Variants in SMG7 observed in about 807,000 individuals in gnomAD.
SMG7 encodes the protein SMG7 nonsense mediated mRNA decay factor, also known as nonsense-mediated mRNA decay factor SMG7.
SMG7 carries 34 observed loss-of-function variants against 148.2 expected under a neutral mutation model. The observed-to-expected ratio is 0.23, with a 90% CI of 0.17 to 0.31. The LOEUF (loss-of-function observed/expected upper bound fraction) is 0.31, where lower values mean the gene tolerates loss of function less well. SMG7 is among the 10% of genes least tolerant of loss of function. The pLI is 1.00. For missense variants in SMG7, 1,114 were observed against 1,408.4 expected (o/e 0.79, Z 3.35); for synonymous variants, 492 against 515.1 (o/e 0.96, Z 0.61).
At chr1:183,536,958 T>C (rs1333972073) in intron 10 of SMG7, among the ~76,000 whole-genome samples, 187 bp from the exon 11 acceptor site, 2 of 152,180 alleles carry the variant, frequency 1.3e-5, no homozygotes, top group African/African-American at 2.4e-5. Context: ...GTCCCTTTTG[T>C]TGTATCTTTA....
chr1:183,516,259 C>T (rs80027945), intron 3 of SMG7, among the ~76,000 whole-genome samples: 2 of 151,934 alleles, frequency 1.3e-5, no homozygotes, highest in Non-Finnish European at 2.9e-5. Context: ...ACAAATATAT[C>T]TATTTCAAAT....
chr1:183,540,019 G>A (rs1486842803), intron 12 of SMG7, among the ~76,000 whole-genome samples: 2 of 152,122 alleles, frequency 1.3e-5, no homozygotes, highest in Non-Finnish European at 2.9e-5. Flanking sequence ...GCACTATCCA[G>A]CTCCTAGTTG....
rs773319839 is a variant in SMG7, at chr1:183,545,041, C to T, written c.2099C>T (p.Ala700Val). The T allele has an allele frequency of 1.2e-6, 2 of 1,614,054 alleles. No homozygotes were observed. The highest frequency in any genetic ancestry group is 2.2e-5 in the East Asian group (1 of 44,872). Residue 700 changes from alanine (A) to valine (V), a missense_variant, in exon 16 of 23, where the codon GCT becomes GTT. Transcript: ENST00000688051. ...CCAGGAACCTTTCTTCAGCCTACAGCTCACTCTCCAGCAGGAAACCAGGTG... is the reference window on the plus strand; with the variant it reads ...CCAGGAACCTTTCTTCAGCCTACAGTTCACTCTCCAGCAGGAAACCAGGTG... ...SVPGTFLQPT[A>V]HSPAGNQVQA...
Position 183,552,400 on chromosome 1 carries a change from T to G in SMG7, c.*469T>G, listed in dbSNP as rs567727234. Reference sequence around the variant, plus strand: ...ATTATTCTTAAACATCTTTTATTATTATTACTCTCAGTAGTAAAATATCAC... The same window carrying G: ...ATTATTCTTAAACATCTTTTATTATGATTACTCTCAGTAGTAAAATATCAC... On this transcript the variant is annotated 3_prime_UTR_variant, in exon 23 of 23. Transcript: ENST00000688051. The G allele has an allele frequency of 1.0e-6, 1 of 989,636 alleles. No individual in the cohort carries two copies. Among genetic ancestry groups the G allele is most frequent in the Non-Finnish European group, 1.2e-6 (1 of 832,492 alleles). The allele number at this position is 989,636 out of a possible 1,614,324, so 61.3% of individuals were successfully genotyped here.
In SMG7 at chr1:183,546,123, A is replaced by T; in HGVS notation, c.2528A>T (p.Gln843Leu). 6.2e-7 allele frequency: 1 copy of T among 1,613,986 alleles called. No homozygotes were observed. The highest frequency in any genetic ancestry group is 1.1e-5 in the South Asian group (1 of 91,080). Residue 843 changes from glutamine (Q) to leucine (L), a missense_variant, in exon 17 of 23, where the codon CAG (glutamine) becomes CTG (leucine). Coordinates refer to ENST00000688051, the MANE Select transcript of SMG7 (RefSeq NM_001375584.1). Reference sequence around the variant, plus strand: ...TTGCAACCTCCTGTAATGCAGCAGCAGCCTCTAGAAAAAAAAATGAAGCCT... The same window carrying T: ...TTGCAACCTCCTGTAATGCAGCAGCTGCCTCTAGAAAAAAAAATGAAGCCT... Reference protein sequence around the residue: ...PSLQPPVMQQQPLEKKMKPFP... With the variant: ...PSLQPPVMQQLPLEKKMKPFP...
Position 183,545,963 on chromosome 1 carries a change from T to C in SMG7, c.2371-3T>C, listed in dbSNP as rs374423243. The C allele has an allele frequency of 1.4e-5, 22 of 1,573,382 alleles. No homozygotes were observed. Among genetic ancestry groups the C allele is most frequent in the Non-Finnish European group, 1.8e-5 (21 of 1,165,158 alleles). On this transcript the variant is annotated splice_polypyrimidine_tract_variant and splice_region_variant and intron_variant, in intron 16 of 22. Coordinates refer to ENST00000688051, the MANE Select transcript of SMG7 (RefSeq NM_001375584.1). ...ACCTTTATGACAGGCGTCTCTTTTT[T>C]AGTATCAACAGGCAGATGCCTCCAA...
At position 183,546,072 on chromosome 1, in the gene SMG7, A is replaced by G. The variant is rs1272823862; in HGVS notation, c.2477A>G (p.Asp826Gly). 6.2e-7 allele frequency: 1 copy of G among 1,613,670 alleles called. No homozygotes were observed. The change falls in exon 17 of 23, where the codon GAC becomes GGC. Residue 826 changes from aspartate to glycine, a missense_variant. By Grantham distance (94) the Asp-to-Gly change is moderately conservative. Around this residue, in one of 4 missense-constraint regions of SMG7, gnomAD observed 788 missense variants for 894.5 expected, o/e 0.88. Coordinates refer to ENST00000688051, the MANE Select transcript of SMG7 (RefSeq NM_001375584.1). ...CAGCCCTACTACCTTCAGACCCAAGACCCCATAAAACTGTTTGAGCCGTCA... is the reference window on the plus strand; with the variant it reads ...CAGCCCTACTACCTTCAGACCCAAGGCCCCATAAAACTGTTTGAGCCGTCA... ...VKQPYYLQTQ[D>G]PIKLFEPSLQ...
At chr1:183,521,430 A>G (rs528511507) in intron 4 of SMG7, among the ~76,000 whole-genome samples, 1 of 152,306 alleles carries the variant, frequency 6.6e-6, no homozygotes, top group Admixed American at 6.5e-5. Context: ...TCTTTAATCA[A>G]TAATTGAAAC....
At chr1:183,495,126 CTCT>C (rs1658162381) in intron 1 of SMG7, among the ~76,000 whole-genome samples, 1 of 151,882 alleles carries the variant, frequency 6.6e-6, no homozygotes, top group Non-Finnish European at 1.5e-5. Flanking sequence ...CGTGCCCAGC[CTCT>C]TATTTTAATC....
intron 19 of SMG7, 56 bp downstream of exon 19, chr1:183,549,344 C>CT (rs1240737245): frequency 8.5e-7 from 1 of 1,174,174 alleles, no homozygotes; most frequent in East Asian, 2.3e-5. Context: ...TGATCATTGT[C>CT]TTTCTCATAC....
chr1:183,513,676 G>C (rs1353069596), intron 2 of SMG7, among the ~76,000 whole-genome samples: 1 of 151,962 alleles, frequency 6.6e-6, no homozygotes, highest in African/African-American at 2.4e-5. Flanking sequence ...GGCCATCTTT[G>C]TTGCTTTAAA....
At chr1:183,541,933 T>A (rs1668950347) in intron 13 of SMG7, 143 bp from the exon 14 acceptor site, 1 of 675,382 alleles carries the variant, frequency 1.5e-6, no homozygotes, top group African/African-American at 1.8e-5. Context: ...CTACTTTTTG[T>A]GTTACCTGAA....
chr1:183,518,746 A>C (rs1467445347), intron 4 of SMG7: 1 of 152,210 alleles, frequency 6.6e-6, no homozygotes, highest in Non-Finnish European at 1.5e-5. Context: ...TCTGTTAGAA[A>C]ATTACCATGT....
At chr1:183,535,666 C>G (rs1045634130) in intron 10 of SMG7, among the ~76,000 whole-genome samples, 1 of 152,078 alleles carries the variant, frequency 6.6e-6, no homozygotes, top group Admixed American at 6.6e-5. Context: ...CTAGAATTTA[C>G]TTTCCCTTGT....
At position 183,526,687 on chromosome 1, in the gene SMG7, A is replaced by G; in HGVS notation, c.404A>G (p.His135Arg). The change falls in exon 5 of 23, where the codon CAT (histidine) becomes CGT (arginine). Residue 135 changes from histidine (H) to arginine (R), a missense_variant. By Grantham distance (29) the His-to-Arg change is conservative (BLOSUM62 0). Transcript: ENST00000688051. Reference sequence around the variant, plus strand: ...GGAATTATCAGCAATAAACAGACGCATACCAGCGCCATAGTGAAGCCACAG... The same window carrying G: ...GGAATTATCAGCAATAAACAGACGCGTACCAGCGCCATAGTGAAGCCACAG... ...QLGIISNKQT[H>R]TSAIVKPQSS... 6.2e-7 allele frequency: 1 copy of G among 1,613,872 alleles called. No homozygotes were observed. The highest frequency in any genetic ancestry group is 8.5e-7 in the Non-Finnish European group (1 of 1,179,834).
intron 3 of SMG7, among the ~76,000 whole-genome samples, chr1:183,516,923 G>A (rs1340609123): frequency 2.0e-5 from 3 of 152,168 alleles, no homozygotes; most frequent in Admixed American, 1.3e-4. Flanking sequence ...TTCCAGGTAA[G>A]TTGTAAACCT....
chr1:183,537,262 T>G, intron 11 of SMG7, 47 bp downstream of exon 11: 1 of 1,338,444 alleles, frequency 7.5e-7, no homozygotes, highest in South Asian at 1.2e-5. Flanking sequence ...TCTCCATCAT[T>G]AATGGTGGCT....
chr1:183,499,626 T>G (rs1659308308), intron 1 of SMG7, among the ~76,000 whole-genome samples: 1 of 152,208 alleles, frequency 6.6e-6, no homozygotes, highest in Non-Finnish European at 1.5e-5. Context: ...CTTTGTATAT[T>G]TCAGATAAGT....
At position 183,527,831 on chromosome 1, in the gene SMG7, G is replaced by T. The variant is rs1014587993; in HGVS notation, c.485-125G>T. The stretch of plus-strand genomic sequence containing the variant: ...TAGTTAATTTGTTTTAAAGTATTTT[G>T]TCTTTAATTTTAAATTAACTTTAAT... On this transcript the variant is annotated intron_variant, in intron 5 of 22. Coordinates refer to ENST00000688051, the MANE Select transcript of SMG7 (RefSeq NM_001375584.1). This position sits in a 1 kb window ranked among gnomAD's most constrained non-coding sequence, Gnocchi z 4.0. 4.5e-6 allele frequency: 3 copies of T among 665,630 alleles called. No homozygotes were observed. In the East Asian group the frequency reaches 8.8e-5, roughly 19 times the overall value. The allele number at this position is 665,630 out of a possible 1,614,324, so 41.2% of individuals were successfully genotyped here.
Sources: allele counts gnomAD v4.1 joint callset (sites outside exome capture counted in the v4.1 genomes callset), GRCh38; gene constraint gnomAD v4.1.1; regional missense constraint gnomAD v4.1.1; non-coding constraint Gnocchi (gnomAD v3.1); transcripts MANE v1.5; gene names NCBI Gene and HGNC (gene_info 2026-07-23, HGNC 2026-07-21).